The following PSG4 variants were observed in gnomAD, a reference collection of about 807,000 sequenced individuals.
PSG4 encodes pregnancy-specific beta-1-glycoprotein 4.
A neutral mutation model predicts 44.3 loss-of-function variants in PSG4; 61 were observed. The ratio of observed to expected loss-of-function variants is 1.38; its 90% confidence interval spans 1.12 to 1.70. The LOEUF (loss-of-function observed/expected upper bound fraction) is 1.70, where lower values mean the gene tolerates loss of function less well. Ranked by LOEUF, PSG4 falls within the 40% of genes most tolerant of loss-of-function variation. PSG4 has a pLI of 0.00. For missense variants in PSG4, 677 were observed against 511.7 expected, an observed-to-expected ratio of 1.32 and a Z score of -3.12; for synonymous variants, 248 against 191.3, an observed-to-expected ratio of 1.30 and a Z score of -2.45.
At chr19:43,194,628 C>A in intron 4 of PSG4, 34 bp from the exon 5 acceptor site, 3 of 1,587,702 alleles carry the variant, frequency 1.9e-6, no homozygotes, top group Non-Finnish European at 2.6e-6. Flanking sequence ...TAGGTGATGT[C>A]ATCCGAGGGA....
At chr19:43,200,516 G>T (rs1967458961) in intron 2 of PSG4, among the ~76,000 whole-genome samples, 1 of 145,018 alleles carries the variant, frequency 6.9e-6, no homozygotes, top group Admixed American at 6.8e-5. Context: ...TCAAGCTGGG[G>T]GTTCCTTCCT....
rs760092143 is a variant in PSG4, at chr19:43,204,563, C to T, written c.65-312G>A. 1.5e-5 allele frequency: 5 copies of T among 333,638 alleles called. No individual in the cohort carries two copies. The South Asian group carries it at 1.7e-4, about 11-fold the overall frequency. 20.7% of individuals were successfully genotyped at this position (333,638 alleles called of 1,614,324 possible). On this transcript the variant is annotated intron_variant, in intron 1 of 5. Transcript: ENST00000405312. Reference sequence around the variant, plus strand: ...CAGGTCCTGCTCACATCAGGGCATCCTTAGACTTCTTTCCTGATACCTCCT... The same window carrying T: ...CAGGTCCTGCTCACATCAGGGCATCTTTAGACTTCTTTCCTGATACCTCCT...
At position 43,203,591 on chromosome 19, in the gene PSG4, C is replaced by G. The variant is rs1195850216; in HGVS notation, c.430+295G>C. 1.4e-5 allele frequency: 6 copies of G among 420,904 alleles called. 2 individuals carry two copies. Among genetic ancestry groups the G allele is most frequent in the Non-Finnish European group, 1.9e-5 (5 of 257,008 alleles). The allele number at this position is 420,904 out of a possible 1,614,324, so 26.1% of individuals were successfully genotyped here. A position where few individuals can be genotyped will look rare whatever the true frequency, so the allele number is the denominator to read the frequency against. The stretch of plus-strand genomic sequence containing the variant: ...AGTTCTCCAGGGTCTTTGTCAGCGT[C>G]AAATTTATGAAGAGGGCATGAGGTG... On this transcript the variant is annotated intron_variant, in intron 2 of 5. Transcript: ENST00000405312.
At position 43,195,142 on chromosome 19, in the gene PSG4, G is replaced by A; in HGVS notation, c.841C>T (p.Pro281Ser). 1 of 1,610,384 alleles carries A rather than the reference G, an allele frequency of 6.2e-7. No individual in the cohort carries two copies. Among genetic ancestry groups the A allele is most frequent in the Non-Finnish European group, 8.5e-7 (1 of 1,179,016 alleles). Reference sequence around the variant, plus strand: ...GGTCGCTTTACCCTGGGACTGACAGGGAGGCTCTGACCATTTAGCCACCAA... The same window carrying A: ...GGTCGCTTTACCCTGGGACTGACAGAGAGGCTCTGACCATTTAGCCACCAA... ...YIWWLNGQSL[P>S]VSPRVKRPIE... Residue 281 changes from proline (P) to serine (S), a missense_variant, in exon 4 of 6, where the codon CCT becomes TCT. Physicochemically the swap from Pro to Ser is moderately conservative, Grantham distance 74. Coordinates refer to ENST00000405312, the MANE Select transcript of PSG4 (RefSeq NM_002780.5).
chr19:43,204,700 C>CCCCG lies in PSG4; in HGVS notation c.65-450_65-449insCGGG, dbSNP rs1568391390. ...TCACTTAGCATGTCTGTCTTCCCCC[C>CCCCG]ACGATGACTGTGTGAGCTCCGTGAG... On this transcript the variant is annotated intron_variant, in intron 1 of 5. Transcript: ENST00000405312. 5.1e-5 allele frequency: 10 copies of CCCCG among 195,008 alleles called. 2 individuals are homozygous for CCCCG. The highest frequency in any genetic ancestry group is 3.8e-4 in the African/African-American group (8 of 21,276). 12.1% of individuals were successfully genotyped at this position (195,008 alleles called of 1,614,324 possible). A position where few individuals can be genotyped will look rare whatever the true frequency, so the allele number is the denominator to read the frequency against.
At chr19:43,197,767 T>A (rs1228639111) in intron 3 of PSG4, 1 of 939,320 alleles carries the variant, frequency 1.1e-6, no homozygotes, top group Non-Finnish European at 1.5e-6. Flanking sequence ...GTTTCTCCCA[T>A]CACAAGCTGT....
chr19:43,194,937 T>A, intron 4 of PSG4, 58 bp downstream of exon 4: 1 of 1,595,404 alleles, frequency 6.3e-7, no homozygotes, highest in East Asian at 2.2e-5. Context: ...AGACCTGGCC[T>A]CTGGTGGTTT....
rs183932830 is a variant in PSG4 at position 43,205,440 on chromosome 19, C to T, written c.64+33G>A. ...CCCCATCCAGTCACTCTGCTTCCTCCTCCTGTCCTCTCCCAGGAAGTTCTC... is the reference window on the plus strand; with the variant it reads ...CCCCATCCAGTCACTCTGCTTCCTCTTCCTGTCCTCTCCCAGGAAGTTCTC... On this transcript the variant is annotated intron_variant, in intron 1 of 5. Coordinates refer to ENST00000405312, the MANE Select transcript of PSG4 (RefSeq NM_002780.5). 54 of 1,510,232 alleles carry T rather than the reference C, an allele frequency of 3.6e-5. 3 individuals carry two copies. In the African/African-American group the frequency reaches 6.9e-4, roughly 19 times the overall value. 93.6% of individuals were successfully genotyped at this position (1,510,232 alleles called of 1,614,324 possible).
Position 43,193,237 on chromosome 19 carries a change from A to C in PSG4, c.*135T>G. 1 of 763,864 alleles carries C rather than the reference A, an allele frequency of 1.3e-6. No homozygotes were observed. Among genetic ancestry groups the C allele is most frequent in the South Asian group, 1.4e-5 (1 of 73,826 alleles). 47.3% of individuals were successfully genotyped at this position (763,864 alleles called of 1,614,324 possible). ...TTTTGGTGAGTTCTGAGTGGCTCACATGTCAGGTACAAGGGTTTTCCCATG... is the reference window on the plus strand; with the variant it reads ...TTTTGGTGAGTTCTGAGTGGCTCACCTGTCAGGTACAAGGGTTTTCCCATG... On this transcript the variant is annotated 3_prime_UTR_variant, in exon 6 of 6. Transcript: ENST00000405312.
rs1967077691 is a variant in PSG4 at position 43,192,907 on chromosome 19, G to A, written c.*465C>T. ...ATCTCTGTGTTCATTTCTATTGGGA[G>A]CCCTGTATGCAAGATGGAGAGAGCC... On this transcript the variant is annotated 3_prime_UTR_variant, in exon 6 of 6. Coordinates refer to ENST00000405312, the MANE Select transcript of PSG4 (RefSeq NM_002780.5). 6 of 357,992 alleles carry A rather than the reference G, an allele frequency of 1.7e-5. No individual in the cohort carries two copies. Among genetic ancestry groups the A allele is most frequent in the South Asian group, 1.1e-4 (2 of 18,716 alleles). 22.2% of individuals were successfully genotyped at this position (357,992 alleles called of 1,614,324 possible).
intron 2 of PSG4, chr19:43,203,644 G>A (rs1967619861): frequency 3.1e-6 from 2 of 648,712 alleles, no homozygotes; most frequent in South Asian, 2.0e-5. Flanking sequence ...TCCTCCTGCT[G>A]AGTCCCCCCA....
Position 43,197,920 on chromosome 19 carries a change from G to A in PSG4, c.709+77C>T. 1.9e-6 allele frequency: 3 copies of A among 1,571,052 alleles called. No individual in the cohort carries two copies. In the South Asian group the frequency reaches 3.4e-5, roughly 18 times the overall value. The stretch of plus-strand genomic sequence containing the variant: ...AAGGTCTCTGTACTTGGACCTGAGA[G>A]GGACTGAGAGGCCTGGCCTCTGGCC... On this transcript the variant is annotated intron_variant, in intron 3 of 5. Coordinates refer to ENST00000405312, the MANE Select transcript of PSG4 (RefSeq NM_002780.5).
At chr19:43,193,595 G>A (rs1326816162) in intron 5 of PSG4, 1 of 604,846 alleles carries the variant, frequency 1.7e-6, no homozygotes, top group Non-Finnish European at 2.9e-6. Context: ...TGCAGCAAGA[G>A]TAGCAATAGA....
rs138315499 is a variant in PSG4 at position 43,193,748 on chromosome 19, T to A, written c.1244-360A>T. 1.2e-3 allele frequency: 617 copies of A among 536,474 alleles called. 15 individuals carry two copies. Among genetic ancestry groups the A allele is most frequent in the African/African-American group, 0.011 (582 of 51,892 alleles). The allele number at this position is 536,474 out of a possible 1,614,324, so 33.2% of individuals were successfully genotyped here. A position where few individuals can be genotyped will look rare whatever the true frequency, so the allele number is the denominator to read the frequency against. The stretch of plus-strand genomic sequence containing the variant: ...GCCTGCAGTTCATATTGGTTCATTC[T>A]ATCTATATTCTTGAATATAACATCC... On this transcript the variant is annotated intron_variant, in intron 5 of 5. Coordinates refer to ENST00000405312, the MANE Select transcript of PSG4 (RefSeq NM_002780.5).
In PSG4 at chr19:43,193,102, A is replaced by AT. The variant is rs1465876205; in HGVS notation, c.*269dup. The AT allele has an allele frequency of 5.2e-5, 33 of 634,700 alleles. No individual in the cohort carries two copies. The highest frequency in any genetic ancestry group is 2.4e-5 in the Admixed American group (1 of 42,506). The allele number at this position is 634,700 out of a possible 1,614,324, so 39.3% of individuals were successfully genotyped here. On this transcript the variant is annotated 3_prime_UTR_variant, in exon 6 of 6. Coordinates refer to ENST00000405312, the MANE Select transcript of PSG4 (RefSeq NM_002780.5). ...GGTTAAGAGGGGTGGGAGCCTTATC[A>AT]TGATGGGGAGTCTTGTTCTGACATC...
rs1334411811 is a variant in PSG4 at position 43,198,609 on chromosome 19, C to G, written c.431-334G>C. Reference sequence around the variant, plus strand: ...CCTGCCTGACCCACCTTGTGGTCCTCACTTGGAGCATGCAGTGCTGGAATC... The same window carrying G: ...CCTGCCTGACCCACCTTGTGGTCCTGACTTGGAGCATGCAGTGCTGGAATC... On this transcript the variant is annotated intron_variant, in intron 2 of 5. Coordinates refer to ENST00000405312, the MANE Select transcript of PSG4 (RefSeq NM_002780.5). The G allele has an allele frequency of 1.9e-5, 6 of 321,134 alleles. 1 individual carries two copies. In the East Asian group the frequency reaches 3.7e-4, roughly 20 times the overall value. The allele number at this position is 321,134 out of a possible 1,614,324, so 19.9% of individuals were successfully genotyped here.
chr19:43,199,173 A>G (rs1967395053), intron 2 of PSG4, among the ~76,000 whole-genome samples: 2 of 145,786 alleles, frequency 1.4e-5, no homozygotes, highest in South Asian at 4.3e-4. Context: ...TGGATATTAG[A>G]CCAATATTTG....
At position 43,197,980 on chromosome 19, in the gene PSG4, G is replaced by T. The variant is rs1483820205; in HGVS notation, c.709+17C>A. 29 of 1,587,698 alleles carry T rather than the reference G, an allele frequency of 1.8e-5. 7 individuals are homozygous for T. The East Asian group carries it at 4.5e-4, about 25-fold the overall frequency. On this transcript the variant is annotated intron_variant, in intron 3 of 5. Transcript: ENST00000405312. ...TGGGATGGCAGCCTGGCTCACAGAGGAACAGAGGATACTCACGGAGGAGAT... is the reference window on the plus strand; with the variant it reads ...TGGGATGGCAGCCTGGCTCACAGAGTAACAGAGGATACTCACGGAGGAGAT...
At chr19:43,193,462 A>G (rs1967096157) in intron 5 of PSG4, 74 bp from the exon 6 acceptor site, 1 of 762,908 alleles carries the variant, frequency 1.3e-6, no homozygotes, top group Non-Finnish European at 2.4e-6. Flanking sequence ...TACAGTTTTT[A>G]TTTTCCACAT....
Sources: allele counts gnomAD v4.1 joint callset (sites outside exome capture counted in the v4.1 genomes callset), GRCh38; gene constraint gnomAD v4.1.1; transcripts MANE v1.5; gene names NCBI Gene and HGNC (gene_info 2026-07-23, HGNC 2026-07-21).